ANO4: variants seen among roughly 807,000 people sequenced by gnomAD.
ANO4 encodes the protein anoctamin 4.
ANO4 carries 69 observed loss-of-function variants against 141.9 expected under a neutral mutation model. The ratio of observed to expected loss-of-function variants is 0.49; its 90% CI spans 0.40 to 0.59. The LOEUF (loss-of-function observed/expected upper bound fraction) is 0.59, where lower values mean the gene tolerates loss of function less well. ANO4 is among the 20% of genes least tolerant of loss of function. The pLI is 0.00. For missense variants in ANO4, 894 were observed against 1,162.2 expected, an observed-to-expected ratio of 0.77 and a Z score of 3.36; for synonymous variants, 350 against 394.3, an observed-to-expected ratio of 0.89 and a Z score of 1.33.
chr12:101,066,751 G>T, intron 14 of ANO4: 1 of 895,450 alleles, frequency 1.1e-6, no homozygotes, highest in African/African-American at 1.6e-5. Context: ...CAGTTCCTGA[G>T]TTGCTGCAGC....
chr12:100,733,629 A>G, intron 1 of ANO4: 1 of 551,000 alleles, frequency 1.8e-6, no homozygotes, highest in South Asian at 2.4e-5. Context: ...CTAAACGTTG[A>G]TGGGTGAACC....
intron 1 of ANO4, among the ~76,000 whole-genome samples, chr12:100,717,876 T>A (rs2030681914): frequency 6.6e-6 from 1 of 152,178 alleles, no homozygotes; most frequent in African/African-American, 2.4e-5. Flanking sequence ...GGGGTGAGGC[T>A]TGGAGTTGGG....
intron 3 of ANO4, among the ~76,000 whole-genome samples, chr12:100,758,215 C>T (rs2032699645): frequency 6.6e-6 from 1 of 152,232 alleles, no homozygotes; most frequent in Admixed American, 6.5e-5. Context: ...GCGGTCTTGG[C>T]TCATTCAGAA....
At chr12:100,823,925 G>T (rs1239180579) in intron 1 of ANO4, among the ~76,000 whole-genome samples, 3 of 151,960 alleles carry the variant, frequency 2.0e-5, no homozygotes, top group African/African-American at 7.2e-5. Context: ...ATATAGCAAA[G>T]ATAATTAGAT....
At chr12:100,919,518 T>A (rs1263727826) in intron 2 of ANO4, among the ~76,000 whole-genome samples, 1 of 152,184 alleles carries the variant, frequency 6.6e-6, no homozygotes, top group Non-Finnish European at 1.5e-5. Flanking sequence ...AGCAATAGGC[T>A]GCACCATGTA....
intron 2 of ANO4, among the ~76,000 whole-genome samples, chr12:100,738,878 C>T (rs1348361937): frequency 1.3e-5 from 2 of 151,602 alleles, no homozygotes; most frequent in South Asian, 2.1e-4. Context: ...AACTCTAGTT[C>T]TCATGCTGTA....
At position 101,099,680 on chromosome 12, in the gene ANO4, G is replaced by A. The variant is rs372248204; in HGVS notation, c.2109G>A (p.Pro703=). 2.0e-5 allele frequency: 33 copies of A among 1,610,004 alleles called. No individual in the cohort carries two copies. The highest frequency in any genetic ancestry group is 8.0e-5 in the African/African-American group (6 of 74,750). ...PQWEKDYNLQ[P]MNAYGLFDEY... is the part of the protein sequence containing the mutation. Reference sequence around the variant, plus strand: ...GGGAAAAGGACTATAACCTTCAGCCGATGAATGCCTATGGACTCTTCGATG... The same window carrying A: ...GGGAAAAGGACTATAACCTTCAGCCAATGAATGCCTATGGACTCTTCGATG... Residue 703 remains proline (P), a synonymous_variant, in exon 22 of 28, where the codon CCG becomes CCA. Coordinates refer to ENST00000392977, the MANE Select transcript of ANO4 (RefSeq NM_001286615.2).
Position 100,797,497 on chromosome 12 carries a change from T to C in ANO4, c.-141+2470T>C, listed in dbSNP as rs2135643469. ...GTGCTGAGCGGAGCCTGTAGCCTCT[T>C]GGTGTGATGAAGTCACTGCAACATT... is the stretch of plus-strand genomic sequence containing the variant. On this transcript the variant is annotated intron_variant, in intron 1 of 27. Transcript: ENST00000392977. Among the ~76,000 whole-genome samples, 2 of 152,296 alleles carry C rather than the reference T, an allele frequency of 1.3e-5. 1 individual carries two copies.
intron 1 of ANO4, among the ~76,000 whole-genome samples, chr12:100,811,877 C>T (rs571526977): frequency 6.6e-6 from 1 of 152,190 alleles, no homozygotes; most frequent in South Asian, 2.1e-4. Context: ...CCATGGTAGT[C>T]GATATAAAGC....
At chr12:101,020,277 A>G (rs2046468980) in intron 9 of ANO4, 137 bp downstream of exon 9, 1 of 616,422 alleles carries the variant, frequency 1.6e-6, no homozygotes, top group Admixed American at 3.1e-5. Context: ...TTTGATGAAT[A>G]ATTCACAAGT....
intron 1 of ANO4, among the ~76,000 whole-genome samples, chr12:100,795,658 G>A (rs1457363502): frequency 6.6e-6 from 1 of 152,174 alleles, no homozygotes; most frequent in East Asian, 1.9e-4. Context: ...GAGTCTCAGG[G>A]TACCCAGTTC....
At chr12:101,102,849 C>G (rs1316010192) in intron 22 of ANO4, among the ~76,000 whole-genome samples, 3 of 151,700 alleles carry the variant, frequency 2.0e-5, no homozygotes, top group African/African-American at 7.3e-5. Flanking sequence ...AAATGGTATA[C>G]CTTTGCATTT....
rs59985012 is a variant in ANO4, at chr12:100,847,475, A to ATTTTTTTTT, written c.-141+52454_-141+52462dup. On this transcript the variant is annotated intron_variant, in intron 1 of 27. Coordinates refer to ENST00000392977, the MANE Select transcript of ANO4 (RefSeq NM_001286615.2). ...AACACCTCAAATGGTGGCCAAGATAATTTTTTTTTTTTTTGAGGTGGAGTC... is the reference window on the plus strand; with the variant it reads ...AACACCTCAAATGGTGGCCAAGATAATTTTTTTTTTTTTTTTTTTTTTTGAGGTGGAGTC... Among the ~76,000 whole-genome samples the ATTTTTTTTT allele has an allele frequency of 2.2e-5, 3 of 136,898 alleles. 1 individual carries two copies. The highest frequency in any genetic ancestry group is 3.1e-5 in the Non-Finnish European group (2 of 65,180). The allele number at this position is 136,898 out of a possible 152,430, so 89.8% of individuals were successfully genotyped here.
chr12:100,808,029 C>T (rs1329578595), intron 1 of ANO4, among the ~76,000 whole-genome samples: 1 of 152,118 alleles, frequency 6.6e-6, no homozygotes, highest in Non-Finnish European at 1.5e-5. Flanking sequence ...TGAACATTCA[C>T]ATGCATGTAT....
At chr12:101,055,206 G>A (rs2048062485) in intron 14 of ANO4, among the ~76,000 whole-genome samples, 1 of 152,192 alleles carries the variant, frequency 6.6e-6, no homozygotes, top group Non-Finnish European at 1.5e-5. Flanking sequence ...AATTAAAAGT[G>A]GCATTGCTGG....
intron 6 of ANO4, among the ~76,000 whole-genome samples, chr12:100,973,932 C>T (rs1224184366): frequency 6.6e-6 from 1 of 152,158 alleles, no homozygotes; most frequent in Non-Finnish European, 1.5e-5. Context: ...TGTTTTAAAG[C>T]TTTCACAAAT....
Position 101,094,278 on chromosome 12 carries a change from T to C in ANO4, c.1724T>C (p.Leu575Pro). ...CAGCTCTATGAAAAAGTTGCCCTGCTTCTGACGAATTTAGGTGAGTGGAAT... is the reference window on the plus strand; with the variant it reads ...CAGCTCTATGAAAAAGTTGCCCTGCCTCTGACGAATTTAGGTGAGTGGAAT... ...LNVLYEKVAL[L>P]LTNLEQPRTE... Residue 575 changes from leucine to proline, a missense_variant, in exon 18 of 28, where the codon CTT (leucine) becomes CCT (proline). By Grantham distance (98) the Leu-to-Pro change is moderately conservative. Coordinates refer to ENST00000392977, the MANE Select transcript of ANO4 (RefSeq NM_001286615.2). 6.2e-7 allele frequency: 1 copy of C among 1,611,300 alleles called. No individual in the cohort carries two copies. The highest frequency in any genetic ancestry group is 8.5e-7 in the Non-Finnish European group (1 of 1,177,722).
intron 3 of ANO4, among the ~76,000 whole-genome samples, chr12:100,743,594 G>T (rs1270659513): frequency 6.6e-6 from 1 of 151,820 alleles, no homozygotes; most frequent in Admixed American, 6.6e-5. Context: ...GTTAAATCAA[G>T]AAATATTTTG....
chr12:100,901,716 C>T lies in ANO4; in HGVS notation c.-70C>T, dbSNP rs911442947. The T allele has an allele frequency of 7.0e-7, 1 of 1,425,850 alleles. No homozygotes were observed. Among genetic ancestry groups the T allele is most frequent in the East Asian group, 2.3e-5 (1 of 43,974 alleles). The allele number at this position is 1,425,850 out of a possible 1,614,324, so 88.3% of individuals were successfully genotyped here. ...ATCAACGGCGAAGTGTGGCAAGCCG[C>T]CCAGCGTCACGTCGTCGCCTGCCTG... is the stretch of plus-strand genomic sequence containing the variant. On this transcript the variant is annotated 5_prime_UTR_variant, in exon 2 of 28. Transcript: ENST00000392977.
Sources: gnomAD v4.1 joint callset for allele counts (sites outside exome capture counted in the v4.1 genomes callset) on GRCh38, gnomAD v4.1.1 for gene constraint, MANE v1.5 for transcripts, NCBI Gene and HGNC (gene_info 2026-07-23, HGNC 2026-07-21) for gene names.